Variants in NFIB observed in about 807,000 individuals in gnomAD.
The protein encoded by NFIB is nuclear factor 1 B-type.
NFIB carries 11 observed loss-of-function variants against 61.5 expected under a neutral mutation model. The observed-to-expected ratio is 0.18, with a 90% CI of 0.11 to 0.30. The LOEUF is 0.30. Among genes scored for constraint, NFIB ranks in the 10% least tolerant of loss-of-function variants. The probability of loss-of-function intolerance (pLI) is 1.00; values close to 1 mark genes in which losing one functional copy is unlikely to be tolerated. For missense variants in NFIB, 471 were observed against 608.9 expected (o/e 0.77, Z 2.38); for synonymous variants, 260 against 216.5 (o/e 1.20, Z -1.76).
chr9:14,480,033 T>G, the NFIB span, among the ~76,000 whole-genome samples: 367 of 151,550 alleles, frequency 2.4e-3, 1 homozygote, highest in African/African-American at 8.0e-3. Context: ...GAAAGGTTTT[T>G]TTTTGTTTTG....
At chr9:14,230,938 C>G (rs1025812886) in intron 2 of NFIB, among the ~76,000 whole-genome samples, 1 of 151,188 alleles carries the variant, frequency 6.6e-6, no homozygotes, top group African/African-American at 2.4e-5. Context: ...AGTTCTGAGG[C>G]AGTGGCATGT....
chr9:14,369,398 G>C (rs2061334332), intron 1 of NFIB, among the ~76,000 whole-genome samples: 1 of 152,136 alleles, frequency 6.6e-6, no homozygotes, highest in Admixed American at 6.6e-5. Flanking sequence ...ATCATTAAAA[G>C]TCATTTGCAG....
intron 2 of NFIB, among the ~76,000 whole-genome samples, chr9:14,266,443 T>A (rs900321077): frequency 1.3e-5 from 2 of 151,882 alleles, no homozygotes; most frequent in Admixed American, 6.6e-5. Flanking sequence ...AAAAAATTTT[T>A]AAATAGCAGG....
At chr9:14,450,703 G>C in the NFIB span, among the ~76,000 whole-genome samples, 1 of 151,910 alleles carries the variant, frequency 6.6e-6, no homozygotes, top group African/African-American at 2.4e-5. Context: ...TGATTCCTGG[G>C]AACTACTAAA....
the NFIB span, among the ~76,000 whole-genome samples, chr9:14,508,617 T>C: frequency 6.6e-6 from 1 of 151,914 alleles, no homozygotes; most frequent in East Asian, 1.9e-4. Flanking sequence ...CACCAGGGAG[T>C]GGAAATGAAG....
At chr9:14,105,858 T>C (rs2036484139) in intron 10 of NFIB, among the ~76,000 whole-genome samples, 1 of 152,162 alleles carries the variant, frequency 6.6e-6, no homozygotes, top group Non-Finnish European at 1.5e-5. Context: ...AAAATAATTT[T>C]ACATTAGGCT....
intron 6 of NFIB, among the ~76,000 whole-genome samples, chr9:14,145,003 G>A (rs2042128376): frequency 6.6e-6 from 1 of 152,106 alleles, no homozygotes; most frequent in South Asian, 2.1e-4. Flanking sequence ...ATTGACTAAA[G>A]GATCTGAAGT....
chr9:14,497,317 CAT>C, the NFIB span, among the ~76,000 whole-genome samples: 1 of 152,080 alleles, frequency 6.6e-6, no homozygotes, highest in East Asian at 1.9e-4. Context: ...CAAGGGGGCT[CAT>C]ATGTGTAAAT....
At chr9:14,502,416 G>T in the NFIB span, among the ~76,000 whole-genome samples, 1 of 152,196 alleles carries the variant, frequency 6.6e-6, no homozygotes, top group Non-Finnish European at 1.5e-5. Flanking sequence ...AAAGTGACCT[G>T]AGAAGATTAA....
chr9:14,393,119 ACT>A (rs1392780122), intron 1 of NFIB, among the ~76,000 whole-genome samples: 4 of 151,878 alleles, frequency 2.6e-5, no homozygotes, highest in Non-Finnish European at 4.4e-5. Context: ...GGATTATTAA[ACT>A]CTCTCACCTT....
chr9:14,201,524 T>C (rs2049027708), intron 2 of NFIB, among the ~76,000 whole-genome samples: 1 of 152,246 alleles, frequency 6.6e-6, no homozygotes, highest in Non-Finnish European at 1.5e-5. Flanking sequence ...GAATTTCGTC[T>C]GTTACAACCT....
At chr9:14,318,620 A>G (rs945753876), upstream of NFIB, among the ~76,000 whole-genome samples, 5 of 151,776 alleles carry the variant, frequency 3.3e-5, no homozygotes, top group Non-Finnish European at 2.9e-5. Context: ...TAAATGCAAA[A>G]GAGACAGATG....
chr9:14,150,019 C>A (rs2042687586), intron 5 of NFIB, 126 bp downstream of exon 5: 3 of 1,313,336 alleles, frequency 2.3e-6, no homozygotes. Context: ...GATTAAAAAT[C>A]TGTGTACTAC....
Position 14,185,729 on chromosome 9 carries a change from G to C in NFIB, c.563-5949C>G, listed in dbSNP as rs1044809149. 3.3e-5 allele frequency among the ~76,000 whole-genome samples: 5 copies of C among 152,128 alleles called. No homozygotes were observed. The East Asian group carries it at 7.7e-4, about 23-fold the overall frequency. ...CCGCTCTGTGTAAAATCATACAGTA[G>C]AAGTCAAACAGATAAATTTCTTGTG... On this transcript the variant is annotated intron_variant, in intron 2 of 10. Coordinates refer to ENST00000380953, the MANE Select transcript of NFIB (RefSeq NM_001190737.2).
intron 6 of NFIB, among the ~76,000 whole-genome samples, chr9:14,139,485 A>C (rs900637176): frequency 1.3e-5 from 2 of 152,180 alleles, no homozygotes. Context: ...TGGGTTTCCC[A>C]CTTCCCTATT....
At chr9:14,231,133 A>ATATATATATATATATATATAT (rs1392498228) in intron 2 of NFIB, among the ~76,000 whole-genome samples, 2 of 67,208 alleles carry the variant, frequency 3.0e-5, no homozygotes, top group African/African-American at 6.0e-5. Context: ...AAAAAAAAAA[A>ATATATATATATATATATATAT]AAATATATAT....
intron 3 of NFIB, among the ~76,000 whole-genome samples, chr9:14,170,583 G>A (rs573762799): frequency 5.2e-4 from 79 of 152,192 alleles, no homozygotes; most frequent in African/African-American, 1.9e-3. Flanking sequence ...GCAGGCTGCA[G>A]TGAGCCATGA....
chr9:14,481,205 A>G, the NFIB span, among the ~76,000 whole-genome samples: 76 of 56,984 alleles, frequency 1.3e-3, 2 homozygotes, highest in Middle Eastern at 6.8e-3. Context: ...GTGTATATAT[A>G]TATATATATA....
chr9:14,220,802 C>A (rs184373651), intron 2 of NFIB, among the ~76,000 whole-genome samples: 5 of 150,250 alleles, frequency 3.3e-5, no homozygotes, highest in African/African-American at 9.8e-5. Context: ...GGTTCCACCA[C>A]CCGAAGTTTC....
Sources: allele counts gnomAD v4.1 joint callset (sites outside exome capture counted in the v4.1 genomes callset), GRCh38; gene constraint gnomAD v4.1.1; transcripts MANE v1.5; gene names NCBI Gene and HGNC (gene_info 2026-07-23, HGNC 2026-07-21).